The following NAIF1 variants were observed in gnomAD, a reference collection of about 807,000 sequenced individuals.
The protein encoded by NAIF1 is nuclear apoptosis-inducing factor 1.
NAIF1 carries 14 observed loss-of-function variants against 20.7 expected under a neutral mutation model. That is an observed-to-expected ratio of 0.67 (90% confidence interval 0.45 to 1.05). The LOEUF is 1.05. NAIF1 is among the 50% of genes least tolerant of loss of function. The pLI is 0.00. For synonymous variants in NAIF1, 191 were observed against 191.4 expected, an observed-to-expected ratio of 1.00 and a Z score of 0.02; for missense variants, 362 against 448.8, an observed-to-expected ratio of 0.81 and a Z score of 1.75.
In NAIF1 at chr9:128,062,666, A is replaced by G. The variant is rs960212577; in HGVS notation, c.*762T>C. On this transcript the variant is annotated 3_prime_UTR_variant, in exon 2 of 2. Transcript: ENST00000373078. ...TCCACACTAGTTGGCTTTCTCAAAA[A>G]TTTACAGCATCCAAAGCTTGACCTG... 1 of 152,298 alleles carries G rather than the reference A, an allele frequency of 6.6e-6. No homozygotes were observed. Among genetic ancestry groups the G allele is most frequent in the African/African-American group, 2.4e-5 (1 of 41,548 alleles). The allele number at this position is 152,298 out of a possible 1,614,324, so 9.4% of individuals were successfully genotyped here. A position where few individuals can be genotyped will look rare whatever the true frequency, so the allele number is the denominator to read the frequency against.
At position 128,066,688 on chromosome 9, in the gene NAIF1, C is replaced by T. The variant is rs1429302163; in HGVS notation, c.414G>A (p.Glu138=). The change falls in exon 1 of 2, where the codon GAG becomes GAA. Residue 138 remains glutamate (E), a synonymous_variant. Coordinates refer to ENST00000373078, the MANE Select transcript of NAIF1 (RefSeq NM_197956.4). ...MQQRICNLLG[E]ATIISLPSTT... Reference sequence around the variant, plus strand: ...TGCTGGGCAGGCTGATGATGGTGGCCTCGCCCAGCAGGTTGCAGATACGTT... The same window carrying T: ...TGCTGGGCAGGCTGATGATGGTGGCTTCGCCCAGCAGGTTGCAGATACGTT... The T allele has an allele frequency of 6.2e-7, 1 of 1,609,200 alleles. No homozygotes were observed. Among genetic ancestry groups the T allele is most frequent in the African/African-American group, 1.3e-5 (1 of 74,872 alleles).
Position 128,063,823 on chromosome 9 carries a change from G to A in NAIF1, c.589C>T (p.Pro197Ser). The stretch of plus-strand genomic sequence containing the variant: ...ATCATGTCCACAGGGGTCTCTGGTG[G>A]CAGAGGTGGGGGCGCCTCAGCCGTG... Reference protein sequence around the residue: ...YCTAEAPPPLPPETPVDMMAQ... With the variant: ...YCTAEAPPPLSPETPVDMMAQ... The change falls in exon 2 of 2, where the codon CCA becomes TCA. Residue 197 changes from proline (P) to serine (S), a missense_variant. Transcript: ENST00000373078. The surrounding 1 kb of genome is among the most constrained non-coding windows in gnomAD (Gnocchi z 4.3). 1 of 1,613,168 alleles carries A rather than the reference G, an allele frequency of 6.2e-7. No homozygotes were observed. The highest frequency in any genetic ancestry group is 8.5e-7 in the Non-Finnish European group (1 of 1,180,040).
chr9:128,063,056 G>A lies in NAIF1; in HGVS notation c.*372C>T, dbSNP rs572429053. 6.0e-5 allele frequency: 16 copies of A among 268,630 alleles called. No homozygotes were observed. The Admixed American group carries it at 7.6e-4, about 13-fold the overall frequency. The allele number at this position is 268,630 out of a possible 1,614,324, so 16.6% of individuals were successfully genotyped here. A position where few individuals can be genotyped will look rare whatever the true frequency, so the allele number is the denominator to read the frequency against. The stretch of plus-strand genomic sequence containing the variant: ...ATGGCACCTGGGGTTGGGCAGCTCA[G>A]TAGAGACCCAGGCTGGGTGACGGCC... On this transcript the variant is annotated 3_prime_UTR_variant, in exon 2 of 2. Transcript: ENST00000373078. The surrounding 1 kb of genome is among the most constrained non-coding windows in gnomAD (Gnocchi z 4.3).
At chr9:128,064,342 C>T (rs1244596616) in intron 1 of NAIF1, among the ~76,000 whole-genome samples, 1 of 151,910 alleles carries the variant, frequency 6.6e-6, no homozygotes, top group East Asian at 1.9e-4. Flanking sequence ...TCCCAAAGTG[C>T]TGGGATTACA....
At chr9:128,065,180 G>A (rs1346521360) in intron 1 of NAIF1, among the ~76,000 whole-genome samples, 10 of 147,482 alleles carry the variant, frequency 6.8e-5, no homozygotes, top group East Asian at 2.1e-4. Context: ...TCAGTGGCAC[G>A]ATCTCGGCTC....
Position 128,066,804 on chromosome 9 carries a change from C to T in NAIF1, c.298G>A (p.Glu100Lys), listed in dbSNP as rs1832788145. The change falls in exon 1 of 2, where the codon GAG becomes AAG. Residue 100 changes from glutamate to lysine, a missense_variant. By Grantham distance (56) the Glu-to-Lys change is moderately conservative. Transcript: ENST00000373078. ...CCAGGCCCCCCAGCTCCGTCCTCCT[C>T]AGTGGGCCCCGGCGCCTCACCACCC... ...VEGGEAPGPT[E>K]EDGAGGPGTG... The T allele has an allele frequency of 2.5e-6, 4 of 1,611,078 alleles. No homozygotes were observed. Among genetic ancestry groups the T allele is most frequent in the East Asian group, 4.5e-5 (2 of 44,786 alleles).
Position 128,067,053 on chromosome 9 carries a change from C to T in NAIF1, c.49G>A (p.Val17Met). 1 of 1,612,440 alleles carries T rather than the reference C, an allele frequency of 6.2e-7. No individual in the cohort carries two copies. The highest frequency in any genetic ancestry group is 8.5e-7 in the Non-Finnish European group (1 of 1,178,660). Residue 17 changes from valine to methionine, a missense_variant, in exon 1 of 2, where the codon GTG becomes ATG. By Grantham distance (21) the Val-to-Met change is conservative. This residue lies in a region of NAIF1 where 51 missense variants were observed against 68.7 expected (regional missense o/e 0.74). Transcript: ENST00000373078. ...KRKMNFSERE[V>M]EIIVEELELK... is the part of the protein sequence containing the mutation. ...TCCAGCTCCTCCACGATGATCTCCA[C>T]CTCCCGCTCTGAGAAGTTCATCTTC... is the stretch of plus-strand genomic sequence containing the variant.
rs770295178 is a variant in NAIF1 at position 128,066,732 on chromosome 9, G to T, written c.370C>A (p.Leu124Met). Residue 124 changes from leucine (L) to methionine (M), a missense_variant, in exon 1 of 2, where the codon CTG becomes ATG. Coordinates refer to ENST00000373078, the MANE Select transcript of NAIF1 (RefSeq NM_197956.4). Reference sequence around the variant, plus strand: ...ATACGTTGTTGCATGGGGGTCAGCAGCACTGGGGCTACAGCTGGGCCACCG... The same window carrying T: ...ATACGTTGTTGCATGGGGGTCAGCATCACTGGGGCTACAGCTGGGCCACCG... ...GGGGPAVAPV[L>M]LTPMQQRICN... 2 of 1,611,954 alleles carry T rather than the reference G, an allele frequency of 1.2e-6. No individual in the cohort carries two copies. Among genetic ancestry groups the T allele is most frequent in the East Asian group, 4.5e-5 (2 of 44,852 alleles).
At position 128,063,644 on chromosome 9, in the gene NAIF1, C is replaced by T. The variant is rs1694381688; in HGVS notation, c.768G>A (p.Met256Ile). 1 of 1,614,132 alleles carries T rather than the reference C, an allele frequency of 6.2e-7. No individual in the cohort carries two copies. Among genetic ancestry groups the T allele is most frequent in the Non-Finnish European group, 8.5e-7 (1 of 1,180,050 alleles). ...HLEQQNDLLQMIRRSQEVQAC... is the reference protein window; with the variant it reads ...HLEQQNDLLQIIRRSQEVQAC... ...CCTGCACTTCCTGGGAGCGGCGGAT[C>T]ATCTGCAGTAGGTCGTTCTGCTGTT... Residue 256 changes from methionine (M) to isoleucine (I), a missense_variant, in exon 2 of 2, where the codon ATG becomes ATA. Met to Ile is a conservative substitution (Grantham distance 10). Around this residue, in one of 3 missense-constraint regions of NAIF1, gnomAD observed 300 missense variants for 342.7 expected, o/e 0.88. Transcript: ENST00000373078. The surrounding 1 kb of genome is among the most constrained non-coding windows in gnomAD (Gnocchi z 4.3).
rs761842899 is a variant in NAIF1 at position 128,063,478 on chromosome 9, C to G, written c.934G>C (p.Asp312His). Residue 312 changes from aspartate (D) to histidine (H), a missense_variant, in exon 2 of 2, where the codon GAC becomes CAC. Physicochemically the swap from Asp to His is moderately conservative, Grantham distance 81 (BLOSUM62 -1). This residue lies in a region of NAIF1 where 300 missense variants were observed against 342.7 expected (regional missense o/e 0.88). Transcript: ENST00000373078. This position sits in a 1 kb window ranked among gnomAD's most constrained non-coding sequence, Gnocchi z 4.3. ...CCATTCTGGGCCACCTGCCCAGGGT[C>G]AGAGGCGGGGGCCGGGTTAGCTGTG... ...SNTANPAPAS[D>H]PGQVAQNGQP... 6.2e-7 allele frequency: 1 copy of G among 1,609,828 alleles called. No homozygotes were observed. The highest frequency in any genetic ancestry group is 2.2e-5 in the East Asian group (1 of 44,888).
In NAIF1 at chr9:128,066,632, G is replaced by T. The variant is rs1158773874; in HGVS notation, c.470C>A (p.Pro157His). 6.5e-7 allele frequency: 1 copy of T among 1,536,428 alleles called. No individual in the cohort carries two copies. Among genetic ancestry groups the T allele is most frequent in the Non-Finnish European group, 8.8e-7 (1 of 1,139,404 alleles). The change falls in exon 1 of 2, where the codon CCC becomes CAC. Residue 157 changes from proline to histidine, a missense_variant. Physicochemically the swap from Pro to His is moderately conservative, Grantham distance 77. Transcript: ENST00000373078. Reference sequence around the variant, plus strand: ...CGTGGCTGCGGCTGCGGTGGCCGAGGGTCCGAGGGCCACAGGGTGGATCTC... The same window carrying T: ...CGTGGCTGCGGCTGCGGTGGCCGAGTGTCCGAGGGCCACAGGGTGGATCTC... ...TTEIHPVALG[P>H]SATAAAATVT... is the part of the protein sequence containing the mutation.
At position 128,063,796 on chromosome 9, in the gene NAIF1, C is replaced by G; in HGVS notation, c.616G>C (p.Ala206Pro). ...TTGACCGACGTGTCTGCATGCTGGG[C>G]CATCATGTCCACAGGGGTCTCTGGT... ...LPPETPVDMMAQHADTSVKPQ... is the reference protein window; with the variant it reads ...LPPETPVDMMPQHADTSVKPQ... Residue 206 changes from alanine (A) to proline (P), a missense_variant, in exon 2 of 2, where the codon GCC (alanine) becomes CCC (proline). Ala to Pro is a conservative substitution (Grantham distance 27). This residue lies in a region of NAIF1 where 300 missense variants were observed against 342.7 expected (regional missense o/e 0.88). Transcript: ENST00000373078. The surrounding 1 kb of genome is among the most constrained non-coding windows in gnomAD (Gnocchi z 4.3). The G allele has an allele frequency of 1.2e-6, 2 of 1,613,778 alleles. No homozygotes were observed. The highest frequency in any genetic ancestry group is 1.7e-6 in the Non-Finnish European group (2 of 1,180,046).
At chr9:128,064,006 A>T in intron 1 of NAIF1, 106 bp from the exon 2 acceptor site, 1 of 905,322 alleles carries the variant, frequency 1.1e-6, no homozygotes, top group Non-Finnish European at 1.7e-6. Context: ...CTGGAGGGAC[A>T]TAAAGGGGAA....
intron 1 of NAIF1, 129 bp downstream of exon 1, chr9:128,066,462 A>C: frequency 1.1e-6 from 1 of 949,666 alleles, no homozygotes; most frequent in Non-Finnish European, 1.5e-6. Flanking sequence ...CTGCTCTTGG[A>C]AGGCCTCATG....
chr9:128,067,249 AC>A lies in NAIF1; in HGVS notation c.-149del, dbSNP rs1239511261. ...GAGGCCAAGCACTAGGCCTTTGGTA[AC>A]CCCCCTCGCTACGCAAAGTGCGTAG... On this transcript the variant is annotated 5_prime_UTR_variant, in exon 1 of 2. Coordinates refer to ENST00000373078, the MANE Select transcript of NAIF1 (RefSeq NM_197956.4). 8.2e-6 allele frequency: 8 copies of A among 979,052 alleles called. No individual in the cohort carries two copies. Among genetic ancestry groups the A allele is most frequent in the East Asian group, 2.6e-5 (1 of 38,210 alleles). The allele number at this position is 979,052 out of a possible 1,614,324, so 60.6% of individuals were successfully genotyped here.
Position 128,066,577 on chromosome 9 carries a change from G to A in NAIF1, c.511+14C>T. 8.0e-6 allele frequency: 12 copies of A among 1,498,244 alleles called. No homozygotes were observed. The highest frequency in any genetic ancestry group is 2.3e-5 in the Admixed American group (1 of 43,734). 92.8% of individuals were successfully genotyped at this position (1,498,244 alleles called of 1,614,324 possible). On this transcript the variant is annotated intron_variant, in intron 1 of 1. Transcript: ENST00000373078. ...CCACTTATGCACGCCGCCTGGGCAGGAGAGGTCACTCACTCTGTGTCAGGG... is the reference window on the plus strand; with the variant it reads ...CCACTTATGCACGCCGCCTGGGCAGAAGAGGTCACTCACTCTGTGTCAGGG...
intron 1 of NAIF1, among the ~76,000 whole-genome samples, chr9:128,065,478 A>G (rs1175245222): frequency 6.6e-6 from 1 of 152,128 alleles, no homozygotes. Flanking sequence ...GGAGGTGGGA[A>G]TGGGGCAGCA....
In NAIF1 at chr9:128,062,155, CT is replaced by C. The variant is rs1191519292; in HGVS notation, c.*1272del. 2.0e-5 allele frequency: 3 copies of C among 152,242 alleles called. No homozygotes were observed. The highest frequency in any genetic ancestry group is 7.2e-5 in the African/African-American group (3 of 41,440). The allele number at this position is 152,242 out of a possible 1,614,324, so 9.4% of individuals were successfully genotyped here. A position where few individuals can be genotyped will look rare whatever the true frequency, so the allele number is the denominator to read the frequency against. On this transcript the variant is annotated 3_prime_UTR_variant, in exon 2 of 2. Transcript: ENST00000373078. Reference sequence around the variant, plus strand: ...TACAGGCGTGTGCCACCACGCCCAGCTAATTTTTGTGTTTTTAGTAGAGACG... The same window carrying C: ...TACAGGCGTGTGCCACCACGCCCAGCAATTTTTGTGTTTTTAGTAGAGACG...
In NAIF1 at chr9:128,066,917, C is replaced by A; in HGVS notation, c.185G>T (p.Arg62Leu). The change falls in exon 1 of 2, where the codon CGC becomes CTC. Residue 62 changes from arginine (R) to leucine (L), a missense_variant. Physicochemically the swap from Arg to Leu is moderately radical, Grantham distance 102. Coordinates refer to ENST00000373078, the MANE Select transcript of NAIF1 (RefSeq NM_197956.4). ...LRRVNAVATC[R>L]RELPEVKKKW... ...CTTCTTGACCTCAGGCAGCTCTCTG[C>A]GGCAGGTGGCCACGGCGTTGACCCT... 6.2e-7 allele frequency: 1 copy of A among 1,612,804 alleles called. No homozygotes were observed. The highest frequency in any genetic ancestry group is 8.5e-7 in the Non-Finnish European group (1 of 1,179,992).
Sources: allele counts gnomAD v4.1 joint callset (sites outside exome capture counted in the v4.1 genomes callset), GRCh38; gene constraint gnomAD v4.1.1; regional missense constraint gnomAD v4.1.1; non-coding constraint Gnocchi (gnomAD v3.1); transcripts MANE v1.5; gene names NCBI Gene and HGNC (gene_info 2026-07-23, HGNC 2026-07-21).